Variants in GPR139 observed in about 807,000 individuals in gnomAD.
The protein encoded by GPR139 is G protein-coupled receptor 139.
In GPR139, 12 loss-of-function variants were observed where a neutral mutation model predicts 25.8. The observed-to-expected ratio is 0.47, with a 90% CI of 0.30 to 0.75. The LOEUF (loss-of-function observed/expected upper bound fraction) is 0.75. GPR139 is among the 30% of genes least tolerant of loss of function. The probability of loss-of-function intolerance (pLI) is 0.07; values close to 1 mark genes in which losing one functional copy is unlikely to be tolerated. For synonymous variants in GPR139, 184 were observed against 179.9 expected (o/e 1.02, Z -0.18); for missense variants, 380 against 450.2 (o/e 0.84, Z 1.41).
rs555419894 is a variant in GPR139 at position 20,071,432 on chromosome 16, T to C, written c.127+2058A>G. ...CATCCATCTGCTGTCTTTGGAATCATGCGCTTGCATTTGGGAGCTCCTGGA... is the reference window on the plus strand; with the variant it reads ...CATCCATCTGCTGTCTTTGGAATCACGCGCTTGCATTTGGGAGCTCCTGGA... On this transcript the variant is annotated intron_variant, in intron 1 of 1. Transcript: ENST00000570682. 3.5e-4 allele frequency among the ~76,000 whole-genome samples: 53 copies of C among 152,354 alleles called. 2 individuals are homozygous for C. The South Asian group carries it at 8.9e-3, about 26-fold the overall frequency.
At chr16:20,053,169 T>A (rs1465342863) in intron 1 of GPR139, among the ~76,000 whole-genome samples, 1 of 152,138 alleles carries the variant, frequency 6.6e-6, no homozygotes, top group Admixed American at 6.5e-5. Flanking sequence ...TGAAGCCAAG[T>A]CTGATCAACT....
chr16:20,035,819 T>C (rs1567234862), intron 1 of GPR139, among the ~76,000 whole-genome samples: 1 of 152,242 alleles, frequency 6.6e-6, no homozygotes, highest in Admixed American at 6.5e-5. Flanking sequence ...AGAATACTTA[T>C]ATTGAGTTCT....
rs892235811 is a variant in GPR139 at position 20,029,805 on chromosome 16, C to T, written c.*1930G>A. ...AATGTTCTCAGATACATTAGAATCA[C>T]ACAATATGGTCCCTAAATGAGAGCC... On this transcript the variant is annotated 3_prime_UTR_variant, in exon 2 of 2. Transcript: ENST00000570682. Among the ~76,000 whole-genome samples the T allele has an allele frequency of 1.3e-5, 2 of 152,130 alleles. No individual in the cohort carries two copies. The highest frequency in any genetic ancestry group is 6.6e-5 in the Admixed American group (1 of 15,266).
At position 20,032,485 on chromosome 16, in the gene GPR139, T is replaced by C. The variant is rs1385137171; in HGVS notation, c.312A>G (p.Ile104Met). Residue 104 changes from isoleucine to methionine, a missense_variant, in exon 2 of 2, where the codon ATA becomes ATG. Physicochemically the swap from Ile to Met is conservative, Grantham distance 10. Transcript: ENST00000570682. ...MQMPQVPDKIIEVLEFSSIHT... is the reference protein window; with the variant it reads ...MQMPQVPDKIMEVLEFSSIHT... ...GGATGGATGAGAATTCCAGCACTTC[T>C]ATGATCTTGTCGGGGACCTGAGGCA... is the stretch of plus-strand genomic sequence containing the variant. 1.9e-6 allele frequency: 3 copies of C among 1,614,086 alleles called. No individual in the cohort carries two copies. Among genetic ancestry groups the C allele is most frequent in the Admixed American group, 1.7e-5 (1 of 60,006 alleles).
chr16:20,052,055 C>G (rs72772732), intron 1 of GPR139, among the ~76,000 whole-genome samples: 12,751 of 152,276 alleles, frequency 0.084, 620 homozygotes, highest in Non-Finnish European at 0.12. Context: ...ACTCACCCCT[C>G]CTGCCCACCA....
intron 1 of GPR139, among the ~76,000 whole-genome samples, chr16:20,042,212 A>G (rs1180656164): frequency 1.3e-5 from 2 of 152,234 alleles, no homozygotes; most frequent in Admixed American, 1.3e-4. Flanking sequence ...TAGGCACAAT[A>G]GGCACAGTTC....
chr16:20,028,356 A>G lies in GPR139; in HGVS notation c.*3379T>C, dbSNP rs2057275554. Among the ~76,000 whole-genome samples the G allele has an allele frequency of 6.6e-6, 1 of 152,216 alleles. No homozygotes were observed. Among genetic ancestry groups the G allele is most frequent in the Non-Finnish European group, 1.5e-5 (1 of 68,040 alleles). ...TCAATTAAAAATAATAGTAATAAAA[A>G]TCAGCATACTGCAATTGCTTGAACA... On this transcript the variant is annotated 3_prime_UTR_variant, in exon 2 of 2. Transcript: ENST00000570682.
chr16:20,038,327 ATATG>A (rs1275202316), intron 1 of GPR139, among the ~76,000 whole-genome samples: 8 of 81,620 alleles, frequency 9.8e-5, no homozygotes, highest in East Asian at 3.2e-4. Context: ...GATAATATAT[ATATG>A]TGTGTGTGTG....
At chr16:20,053,657 CA>C (rs2057379675) in intron 1 of GPR139, among the ~76,000 whole-genome samples, 1 of 152,106 alleles carries the variant, frequency 6.6e-6, no homozygotes, top group Admixed American at 6.5e-5. Flanking sequence ...AGTGGTTTTG[CA>C]GAGTGGATAA....
At chr16:20,053,681 T>C (rs932013809) in intron 1 of GPR139, among the ~76,000 whole-genome samples, 10 of 152,186 alleles carry the variant, frequency 6.6e-5, no homozygotes, top group African/African-American at 2.4e-4. Flanking sequence ...ATTAGACAAA[T>C]GTTAATCATT....
rs757464440 is a variant in GPR139, at chr16:20,030,176, T to C, written c.*1559A>G. On this transcript the variant is annotated 3_prime_UTR_variant, in exon 2 of 2. Coordinates refer to ENST00000570682, the MANE Select transcript of GPR139 (RefSeq NM_001002911.4). Reference sequence around the variant, plus strand: ...GGCCTTTTCTTATCCCATTCATTTATTGCAAATTCCCTTAAAAAAGATAGA... The same window carrying C: ...GGCCTTTTCTTATCCCATTCATTTACTGCAAATTCCCTTAAAAAAGATAGA... Among the ~76,000 whole-genome samples the C allele has an allele frequency of 6.6e-6, 1 of 152,204 alleles. No individual in the cohort carries two copies. The highest frequency in any genetic ancestry group is 1.5e-5 in the Non-Finnish European group (1 of 68,036).
chr16:20,062,361 A>C (rs78133539), intron 1 of GPR139, among the ~76,000 whole-genome samples: 5,571 of 152,254 alleles, frequency 0.037, 213 homozygotes, highest in South Asian at 0.16. Flanking sequence ...CCGTGAGAGG[A>C]TACAACAAGT....
chr16:20,043,884 G>A (rs1156235093), intron 1 of GPR139, among the ~76,000 whole-genome samples: 1 of 152,194 alleles, frequency 6.6e-6, no homozygotes, highest in Non-Finnish European at 1.5e-5. Flanking sequence ...CTAGAGAGGA[G>A]AGGATACTTA....
chr16:20,046,965 G>A (rs2057356291), intron 1 of GPR139, among the ~76,000 whole-genome samples: 1 of 152,110 alleles, frequency 6.6e-6, no homozygotes, highest in South Asian at 2.1e-4. Context: ...CAGCTACTTG[G>A]GAGGCTGAAG....
intron 1 of GPR139, among the ~76,000 whole-genome samples, chr16:20,061,061 CTGTGTG>C (rs58567910): frequency 1.5e-5 from 2 of 134,672 alleles, no homozygotes; most frequent in Admixed American, 7.6e-5. Context: ...AGTCTTTCCT[CTGTGTG>C]TGTGTGTGTG....
chr16:20,065,536 A>C (rs1474793897), intron 1 of GPR139, among the ~76,000 whole-genome samples: 1 of 152,202 alleles, frequency 6.6e-6, no homozygotes, highest in Non-Finnish European at 1.5e-5. Flanking sequence ...CTCACCTGAA[A>C]AATGGGTATA....
At position 20,030,655 on chromosome 16, in the gene GPR139, T is replaced by A. The variant is rs1179478564; in HGVS notation, c.*1080A>T. 6.6e-6 allele frequency among the ~76,000 whole-genome samples: 1 copy of A among 152,276 alleles called. No individual in the cohort carries two copies. The highest frequency in any genetic ancestry group is 1.5e-5 in the Non-Finnish European group (1 of 68,040). ...ACGAGGCGTCAGCATGGGCACCTTT[T>A]GTGTCTGCGTTTGTGGCGAAATGGC... On this transcript the variant is annotated 3_prime_UTR_variant, in exon 2 of 2. Coordinates refer to ENST00000570682, the MANE Select transcript of GPR139 (RefSeq NM_001002911.4).
At chr16:20,053,333 G>A (rs1021785459) in intron 1 of GPR139, among the ~76,000 whole-genome samples, 14 of 152,156 alleles carry the variant, frequency 9.2e-5, no homozygotes, top group African/African-American at 3.4e-4. Context: ...CTACTCAAAG[G>A]TGCCCAGACC....
chr16:20,043,934 T>G (rs2057345285), intron 1 of GPR139, among the ~76,000 whole-genome samples: 2 of 151,272 alleles, frequency 1.3e-5, no homozygotes, highest in South Asian at 4.2e-4. Context: ...CAGATCCAGA[T>G]GAGCCTTCTA....
Sources: gnomAD v4.1 joint callset for allele counts (sites outside exome capture counted in the v4.1 genomes callset) on GRCh38, gnomAD v4.1.1 for gene constraint, MANE v1.5 for transcripts, NCBI Gene and HGNC (gene_info 2026-07-23, HGNC 2026-07-21) for gene names.